Variants in TOR1AIP2 observed in about 807,000 individuals in gnomAD.
The protein encoded by TOR1AIP2 is torsin-1A-interacting protein 2.
A neutral mutation model predicts 32.6 loss-of-function variants in TOR1AIP2; 20 were observed. The ratio of observed to expected loss-of-function variants is 0.61; its 90% CI spans 0.43 to 0.89. The LOEUF (loss-of-function observed/expected upper bound fraction) is 0.89, where lower values mean the gene tolerates loss of function less well. Ranked by LOEUF, TOR1AIP2 falls within the 40% of genes least tolerant of loss-of-function variation. The pLI, the probability that TOR1AIP2 is intolerant of heterozygous loss-of-function variation, is 0.00. For missense variants in TOR1AIP2, 456 were observed against 553.8 expected, an observed-to-expected ratio of 0.82 and a Z score of 1.77; for synonymous variants, 214 against 210.8, an observed-to-expected ratio of 1.02 and a Z score of -0.13.
At position 179,844,182 on chromosome 1, in the gene TOR1AIP2, C is replaced by T. The variant is rs1434154064; in HGVS notation, c.*1889G>A. 3 of 152,206 alleles carry T rather than the reference C, an allele frequency of 2.0e-5. No individual in the cohort carries two copies. Among genetic ancestry groups the T allele is most frequent in the African/African-American group, 7.2e-5 (3 of 41,458 alleles). 9.4% of individuals were successfully genotyped at this position (152,206 alleles called of 1,614,324 possible). ...ATATGGGATACAGATTTTCCTTCAACTTCCTCTGCTTTTATACTGGATTGA... is the reference window on the plus strand; with the variant it reads ...ATATGGGATACAGATTTTCCTTCAATTTCCTCTGCTTTTATACTGGATTGA... On this transcript the variant is annotated 3_prime_UTR_variant, in exon 7 of 7. Transcript: ENST00000609928.
intron 2 of TOR1AIP2, among the ~76,000 whole-genome samples, chr1:179,870,521 C>T (rs1388310613): frequency 1.3e-5 from 2 of 152,122 alleles, no homozygotes; most frequent in Admixed American, 1.3e-4. Flanking sequence ...TGGTTCCTAA[C>T]CATTTTGCTA....
At chr1:179,877,210 C>T (rs1647394778) in intron 2 of TOR1AIP2, 29 bp downstream of exon 2, 1 of 151,962 alleles carries the variant, frequency 6.6e-6, no homozygotes, top group Non-Finnish European at 1.5e-5. Flanking sequence ...TTCTTTTTAT[C>T]CCAAAACAAA....
Position 179,841,290 on chromosome 1 carries a change from G to A in TOR1AIP2, c.*4781C>T, listed in dbSNP as rs983962817. On this transcript the variant is annotated 3_prime_UTR_variant, in exon 7 of 7. Transcript: ENST00000609928. Reference sequence around the variant, plus strand: ...TTTTAAAATGAAATATGCTCAGGCTGATAAACAAACAAGATATTAAAATGG... The same window carrying A: ...TTTTAAAATGAAATATGCTCAGGCTAATAAACAAACAAGATATTAAAATGG... The A allele has an allele frequency of 4.6e-5, 7 of 152,258 alleles. No individual in the cohort carries two copies. The highest frequency in any genetic ancestry group is 1.7e-4 in the African/African-American group (7 of 41,550). The allele number at this position is 152,258 out of a possible 1,614,324, so 9.4% of individuals were successfully genotyped here. A position where few individuals can be genotyped will look rare whatever the true frequency, so the allele number is the denominator to read the frequency against.
rs781196664 is a variant in TOR1AIP2 at position 179,865,490 on chromosome 1, T to C, written c.-201A>G. 8.6e-5 allele frequency: 25 copies of C among 291,916 alleles called. No homozygotes were observed. The highest frequency in any genetic ancestry group is 2.5e-4 in the East Asian group (4 of 16,096). 18.1% of individuals were successfully genotyped at this position (291,916 alleles called of 1,614,324 possible). The stretch of plus-strand genomic sequence containing the variant: ...CAAATCCCAGCTTCTCAAGAAGAGA[T>C]AGGGCTCTAGTCTAAATTAGTTATA... On this transcript the variant is annotated 5_prime_UTR_variant, in exon 3 of 7. Transcript: ENST00000609928.
At chr1:179,874,842 C>T (rs993541742) in intron 2 of TOR1AIP2, 3 of 152,192 alleles carry the variant, frequency 2.0e-5, no homozygotes, top group African/African-American at 7.2e-5. Flanking sequence ...AGGATCAAGT[C>T]CAATCTACAA....
At chr1:179,862,373 G>GGT in intron 3 of TOR1AIP2, 3 of 985,294 alleles carry the variant, frequency 3.0e-6, no homozygotes, top group Non-Finnish European at 3.6e-6. Flanking sequence ...TCACTTTTTA[G>GGT]GAGGAGTTGT....
intron 2 of TOR1AIP2, among the ~76,000 whole-genome samples, chr1:179,872,595 G>A (rs1697052522): frequency 6.6e-6 from 1 of 152,150 alleles, no homozygotes; most frequent in Admixed American, 6.5e-5. Flanking sequence ...TACTTCCTTA[G>A]GGAATTGTTT....
chr1:179,853,003 A>G (rs1696173560), intron 3 of TOR1AIP2, among the ~76,000 whole-genome samples, 192 bp from the exon 4 acceptor site: 1 of 152,212 alleles, frequency 6.6e-6, no homozygotes, highest in Non-Finnish European at 1.5e-5. Context: ...CCAGATTATT[A>G]ATCTTTCATG....
rs1171986747 is a variant in TOR1AIP2, at chr1:179,843,510, CAA to C, written c.*2559_*2560del. ...TGGGTGACAGAGCAAGACCTTCTCT[CAA>C]AAAAAAAAAAAAAAAAAAAAGAAGT... On this transcript the variant is annotated 3_prime_UTR_variant, in exon 7 of 7. Transcript: ENST00000609928. The C allele has an allele frequency of 2.8e-4, 20 of 71,914 alleles. No homozygotes were observed. The highest frequency in any genetic ancestry group is 5.2e-4 in the Admixed American group (3 of 5,768). 4.5% of individuals were successfully genotyped at this position (71,914 alleles called of 1,614,324 possible).
intron 3 of TOR1AIP2, among the ~76,000 whole-genome samples, chr1:179,853,453 G>C (rs1353650251): frequency 6.6e-6 from 1 of 152,092 alleles, no homozygotes; most frequent in African/African-American, 2.4e-5. Context: ...AAAATCAAAG[G>C]CACTTTATAA....
chr1:179,857,695 T>C (rs1343277328), intron 3 of TOR1AIP2, among the ~76,000 whole-genome samples: 2 of 152,226 alleles, frequency 1.3e-5, no homozygotes, highest in African/African-American at 4.8e-5. Flanking sequence ...GCTATAAGGC[T>C]AACTACAATT....
At position 179,840,293 on chromosome 1, in the gene TOR1AIP2, C is replaced by G. The variant is rs768699165; in HGVS notation, c.*5778G>C. 6.6e-6 allele frequency: 1 copy of G among 152,232 alleles called. No individual in the cohort carries two copies. Among genetic ancestry groups the G allele is most frequent in the Non-Finnish European group, 1.5e-5 (1 of 68,046 alleles). The allele number at this position is 152,232 out of a possible 1,614,324, so 9.4% of individuals were successfully genotyped here. A position where few individuals can be genotyped will look rare whatever the true frequency, so the allele number is the denominator to read the frequency against. ...TGCGTCCTCAGGCCTAGAAGGAACA[C>G]AGAGAGTAGGGCTGTGACTGCCGGG... On this transcript the variant is annotated 3_prime_UTR_variant, in exon 7 of 7. Coordinates refer to ENST00000609928, the MANE Select transcript of TOR1AIP2 (RefSeq NM_001199260.2).
intron 3 of TOR1AIP2, among the ~76,000 whole-genome samples, chr1:179,857,406 A>G (rs1696346015): frequency 6.6e-6 from 1 of 152,180 alleles, no homozygotes. Flanking sequence ...AGAACCTACT[A>G]GACGGCCGGC....
At chr1:179,849,766 G>C (rs575063697) in intron 5 of TOR1AIP2, among the ~76,000 whole-genome samples, 1 of 152,306 alleles carries the variant, frequency 6.6e-6, no homozygotes, top group Non-Finnish European at 1.5e-5. Context: ...TTATAACAGT[G>C]AAATTCTGAC....
chr1:179,850,728 G>T, intron 5 of TOR1AIP2, 117 bp downstream of exon 5: 3 of 1,293,174 alleles, frequency 2.3e-6, no homozygotes, highest in Non-Finnish European at 3.2e-6. Flanking sequence ...AGGCCCAAAG[G>T]CCTTACTCCT....
intron 5 of TOR1AIP2, among the ~76,000 whole-genome samples, chr1:179,849,902 C>T (rs932515813): frequency 7.2e-5 from 11 of 152,244 alleles, no homozygotes; most frequent in African/African-American, 2.7e-4. Flanking sequence ...ACTGAAGTTA[C>T]AGATTATTCT....
intron 4 of TOR1AIP2, 71 bp downstream of exon 4, chr1:179,852,561 G>T: frequency 6.5e-7 from 1 of 1,536,166 alleles, no homozygotes; most frequent in East Asian, 2.3e-5. Context: ...TTAGTCATCA[G>T]AGATTTTCTC....
rs557288470 is a variant in TOR1AIP2, at chr1:179,845,177, T to TAATC, written c.*890_*893dup. 1 of 152,226 alleles carries TAATC rather than the reference T, an allele frequency of 6.6e-6. No individual in the cohort carries two copies. The highest frequency in any genetic ancestry group is 2.4e-5 in the African/African-American group (1 of 41,470). 9.4% of individuals were successfully genotyped at this position (152,226 alleles called of 1,614,324 possible). On this transcript the variant is annotated 3_prime_UTR_variant, in exon 7 of 7. Coordinates refer to ENST00000609928, the MANE Select transcript of TOR1AIP2 (RefSeq NM_001199260.2). ...CTATCTTCTAAGATGTTTTTTCACTTAATCAATGGTTTTCAAACTCGAATA... is the reference window on the plus strand; with the variant it reads ...CTATCTTCTAAGATGTTTTTTCACTTAATCAATCAATGGTTTTCAAACTCGAATA...
intron 2 of TOR1AIP2, among the ~76,000 whole-genome samples, chr1:179,870,945 G>A (rs551959604): frequency 6.6e-6 from 1 of 152,234 alleles, no homozygotes; most frequent in South Asian, 2.1e-4. Flanking sequence ...TTTGAGGAGC[G>A]CACCATGTGC....
Sources: gnomAD v4.1 joint callset for allele counts (sites outside exome capture counted in the v4.1 genomes callset) on GRCh38, gnomAD v4.1.1 for gene constraint, MANE v1.5 for transcripts, NCBI Gene and HGNC (gene_info 2026-07-23, HGNC 2026-07-21) for gene names.